The following FAM131C variants were observed in gnomAD, a reference collection of about 807,000 sequenced individuals.
FAM131C encodes protein FAM131C.
A neutral mutation model predicts 29.8 loss-of-function variants in FAM131C; 14 were observed. That is an observed-to-expected ratio of 0.47 (90% confidence interval 0.31 to 0.73). FAM131C has a LOEUF of 0.73. Among genes scored for constraint, FAM131C ranks in the 30% least tolerant of loss-of-function variants. FAM131C has a pLI of 0.05. For synonymous variants in FAM131C, 86 were observed against 157.8 expected (o/e 0.54, Z 3.41); for missense variants, 252 against 383.8 (o/e 0.66, Z 2.87).
intron 1 of FAM131C, among the ~76,000 whole-genome samples, chr1:16,067,361 G>T (rs1001699890): frequency 6.6e-6 from 1 of 152,222 alleles, no homozygotes; most frequent in African/African-American, 2.4e-5. Flanking sequence ...GTCATGTGGG[G>T]TGGGGGCTGG....
intron 1 of FAM131C, among the ~76,000 whole-genome samples, chr1:16,071,312 T>C (rs566645559): frequency 6.6e-6 from 1 of 152,360 alleles, no homozygotes; most frequent in South Asian, 2.1e-4. Context: ...GTTTAAATCT[T>C]GGCTTATACT....
chr1:16,063,837 C>T (rs778718364), intron 1 of FAM131C, among the ~76,000 whole-genome samples: 2 of 149,726 alleles, frequency 1.3e-5, no homozygotes, highest in Non-Finnish European at 2.9e-5. Flanking sequence ...GAATTACTGG[C>T]CTCATCTTCT....
chr1:16,062,436 A>G (rs1330653362), intron 3 of FAM131C, 63 bp downstream of exon 3: 21 of 1,422,278 alleles, frequency 1.5e-5, no homozygotes, highest in African/African-American at 1.0e-4. Context: ...CTGGGCACAA[A>G]GGATGGAGGG....
At chr1:16,061,774 G>A (rs1357947016) in intron 4 of FAM131C, among the ~76,000 whole-genome samples, 1 of 151,766 alleles carries the variant, frequency 6.6e-6, no homozygotes, top group Non-Finnish European at 1.5e-5. Flanking sequence ...CCCATGTCAG[G>A]CTCTGCTTCC....
chr1:16,069,311 C>T (rs1017756023), intron 1 of FAM131C, among the ~76,000 whole-genome samples: 2 of 152,166 alleles, frequency 1.3e-5, no homozygotes, highest in South Asian at 4.1e-4. Context: ...ACTGTGAGCT[C>T]CCGAAGGGCA....
chr1:16,073,162 G>A (rs184421506), intron 1 of FAM131C, among the ~76,000 whole-genome samples: 2 of 152,186 alleles, frequency 1.3e-5, no homozygotes, highest in African/African-American at 2.4e-5. Context: ...AGCGCGGCAC[G>A]GCACGGGACC....
At chr1:16,063,201 T>C (rs969839787) in intron 2 of FAM131C, among the ~76,000 whole-genome samples, 7 of 149,920 alleles carry the variant, frequency 4.7e-5, no homozygotes, top group South Asian at 2.1e-4. Flanking sequence ...ATGTATAACA[T>C]AACATATATA....
chr1:16,070,354 T>G (rs1036556817), intron 1 of FAM131C, among the ~76,000 whole-genome samples: 1 of 152,246 alleles, frequency 6.6e-6, no homozygotes, highest in African/African-American at 2.4e-5. Context: ...CTTAATCTGG[T>G]CCCAATCACT....
At chr1:16,062,283 C>T (rs370378380) in intron 3 of FAM131C, 91 bp from the exon 4 acceptor site, 4 of 1,510,372 alleles carry the variant, frequency 2.6e-6, no homozygotes, top group Non-Finnish European at 3.5e-6. Flanking sequence ...TCTCCCAGCT[C>T]ACCAGGTCCT....
intron 1 of FAM131C, among the ~76,000 whole-genome samples, chr1:16,071,785 C>G (rs969400865): frequency 6.6e-6 from 1 of 152,190 alleles, no homozygotes; most frequent in Non-Finnish European, 1.5e-5. Context: ...GTCAGAGGAC[C>G]TGGGCCCCAG....
At chr1:16,062,959 T>C (rs2023624412) in intron 2 of FAM131C, among the ~76,000 whole-genome samples, 6 of 152,120 alleles carry the variant, frequency 3.9e-5, no homozygotes, top group African/African-American at 1.4e-4. Flanking sequence ...GGTGTGCCGC[T>C]GGGGAGAAGG....
chr1:16,066,065 C>G (rs1281775887), intron 1 of FAM131C, among the ~76,000 whole-genome samples: 1 of 152,026 alleles, frequency 6.6e-6, no homozygotes, highest in East Asian at 1.9e-4. Context: ...TTTTATATTT[C>G]CAGTAGAGAC....
chr1:16,058,288 C>T lies in FAM131C; in HGVS notation c.*149G>A, dbSNP rs542800921. 3,039 of 691,196 alleles carry T rather than the reference C, an allele frequency of 4.4e-3. 1 individual carries two copies. Among genetic ancestry groups the T allele is most frequent in the Non-Finnish European group, 6.1e-3 (2,735 of 450,978 alleles). 42.8% of individuals were successfully genotyped at this position (691,196 alleles called of 1,614,324 possible). ...CGAGGCACAGAGAGGCCACCATGAG[C>T]ACTGGCCCCATCCCTGCCGCACCTA... On this transcript the variant is annotated 3_prime_UTR_variant, in exon 7 of 7. Coordinates refer to ENST00000375662, the MANE Select transcript of FAM131C (RefSeq NM_182623.3).
chr1:16,073,360 G>T (rs1399391369), intron 1 of FAM131C, 61 bp downstream of exon 1: 1 of 993,050 alleles, frequency 1.0e-6, no homozygotes, highest in African/African-American at 1.7e-5. Flanking sequence ...TCTCCGAGCG[G>T]CGAGGGGACT....
Position 16,061,810 on chromosome 1 carries a change from A to C in FAM131C, c.268+289T>G, listed in dbSNP as rs550904042. Among the ~76,000 whole-genome samples the C allele has an allele frequency of 8.8e-3, 1,338 of 151,700 alleles. 14 individuals carry two copies. Among genetic ancestry groups the C allele is most frequent in the Non-Finnish European group, 0.013 (865 of 67,842 alleles). ...AGGGAACCTGAACTAAGGTGATGGG[A>C]CTGGCAGAGAGGCAGGGAGACCATG... On this transcript the variant is annotated intron_variant, in intron 4 of 6. Coordinates refer to ENST00000375662, the MANE Select transcript of FAM131C (RefSeq NM_182623.3).
At chr1:16,064,618 G>T (rs1442817507) in intron 1 of FAM131C, among the ~76,000 whole-genome samples, 2 of 152,106 alleles carry the variant, frequency 1.3e-5, no homozygotes, top group African/African-American at 4.8e-5. Flanking sequence ...TTTACCACTG[G>T]GTGGGGCCGT....
rs545248442 is a variant in FAM131C, at chr1:16,069,500, G to A, written c.22+3921C>T. Among the ~76,000 whole-genome samples the A allele has an allele frequency of 1.6e-3, 250 of 152,290 alleles. 1 individual carries two copies. Among genetic ancestry groups the A allele is most frequent in the Middle Eastern group, 0.01 (3 of 294 alleles). ...TCTACTCTCACCCCCGACCCCACCG[G>A]CCCCCAGTGCATTGGATACCCCCAA... On this transcript the variant is annotated intron_variant, in intron 1 of 6. Coordinates refer to ENST00000375662, the MANE Select transcript of FAM131C (RefSeq NM_182623.3).
chr1:16,069,088 AG>A (rs2023718812), intron 1 of FAM131C, among the ~76,000 whole-genome samples: 1 of 152,198 alleles, frequency 6.6e-6, no homozygotes. Context: ...ACGGAGGCTC[AG>A]AGAGGATAAA....
In FAM131C at chr1:16,062,386, C is replaced by A. The variant is rs1374916084; in HGVS notation, c.174+113G>T. The A allele has an allele frequency of 5.3e-5, 63 of 1,190,530 alleles. 1 individual carries two copies. Among genetic ancestry groups the A allele is most frequent in the South Asian group, 1.3e-4 (8 of 62,764 alleles). The allele number at this position is 1,190,530 out of a possible 1,614,324, so 73.7% of individuals were successfully genotyped here. A position where few individuals can be genotyped will look rare whatever the true frequency, so the allele number is the denominator to read the frequency against. ...CCACCCACTGTTTCATCAGGCCCCC[C>A]CCCCCCCCGCCCCAGGGCCAGCAGG... is the stretch of plus-strand genomic sequence containing the variant. On this transcript the variant is annotated intron_variant, in intron 3 of 6. Transcript: ENST00000375662.
Sources: gnomAD v4.1 joint callset for allele counts (sites outside exome capture counted in the v4.1 genomes callset) on GRCh38, gnomAD v4.1.1 for gene constraint, MANE v1.5 for transcripts, NCBI Gene and HGNC (gene_info 2026-07-23, HGNC 2026-07-21) for gene names.